The following DCUN1D2 variants were observed in gnomAD, a reference collection of about 807,000 sequenced individuals.
DCUN1D2 encodes the protein defective in cullin neddylation 1 domain containing 2, also known as DCN1-like protein 2.
Under a neutral mutation model 30.9 loss-of-function variants are expected in DCUN1D2, and 29 were observed. The observed-to-expected ratio is 0.94, with a 90% CI of 0.70 to 1.28. DCUN1D2 has a LOEUF of 1.28. DCUN1D2 is among the 50% of genes most tolerant of loss of function. The pLI, the probability that DCUN1D2 is intolerant of heterozygous loss-of-function variation, is 0.00. For missense variants in DCUN1D2, 325 were observed against 316.9 expected, an observed-to-expected ratio of 1.03 and a Z score of -0.19; for synonymous variants, 121 against 115.3, an observed-to-expected ratio of 1.05 and a Z score of -0.32.
At chr13:113,467,334 C>T (rs1263203287) in intron 4 of DCUN1D2, among the ~76,000 whole-genome samples, 1 of 152,102 alleles carries the variant, frequency 6.6e-6, no homozygotes, top group Non-Finnish European at 1.5e-5. Flanking sequence ...ATAATACTTG[C>T]ATGTAATTGC....
At position 113,459,227 on chromosome 13, in the gene DCUN1D2, G is replaced by T. The variant is rs566538330; in HGVS notation, c.700+85C>A. ...TTATGACCACGCCCATCTCAGTGAC[G>T]GGGTCACCACTCTAGAGGCAGGAGA... On this transcript the variant is annotated intron_variant, in intron 6 of 6. Coordinates refer to ENST00000478244, the MANE Select transcript of DCUN1D2 (RefSeq NM_001014283.2). 8.0e-6 allele frequency: 6 copies of T among 751,040 alleles called. No individual in the cohort carries two copies. The East Asian group carries it at 1.5e-4, about 19-fold the overall frequency. 46.5% of individuals were successfully genotyped at this position (751,040 alleles called of 1,614,324 possible). A position where few individuals can be genotyped will look rare whatever the true frequency, so the allele number is the denominator to read the frequency against.
chr13:113,478,473 CT>C (rs1566503114), intron 3 of DCUN1D2, among the ~76,000 whole-genome samples: 1 of 151,992 alleles, frequency 6.6e-6, no homozygotes, highest in Admixed American at 6.6e-5. Flanking sequence ...ATGACAACTT[CT>C]TTTCTATTTA....
chr13:113,468,077 A>G (rs763948611), intron 4 of DCUN1D2, among the ~76,000 whole-genome samples: 200 of 150,868 alleles, frequency 1.3e-3, no homozygotes, highest in Non-Finnish European at 2.1e-3. Context: ...AATTAAAAGC[A>G]GGGTCTAAAA....
In DCUN1D2 at chr13:113,474,270, G is replaced by A. The variant is rs777999822; in HGVS notation, c.390-16C>T. On this transcript the variant is annotated splice_polypyrimidine_tract_variant and intron_variant, in intron 3 of 6. Transcript: ENST00000478244. ...GCTGTCACACCTGCGATGACAGAGA[G>A]TGGTTTGTCTTGCAGCAGATGCGCC... is the stretch of plus-strand genomic sequence containing the variant. 1 of 1,612,890 alleles carries A rather than the reference G, an allele frequency of 6.2e-7. No individual in the cohort carries two copies. The highest frequency in any genetic ancestry group is 1.1e-5 in the South Asian group (1 of 91,038).
intron 4 of DCUN1D2, among the ~76,000 whole-genome samples, chr13:113,466,361 T>A (rs1283561590): frequency 2.0e-5 from 3 of 152,212 alleles, no homozygotes; most frequent in African/African-American, 7.2e-5. Flanking sequence ...GAAAACCAAA[T>A]GTTTTCATTT....
At chr13:113,460,108 G>C (rs1055060987) in intron 5 of DCUN1D2, among the ~76,000 whole-genome samples, 1 of 152,206 alleles carries the variant, frequency 6.6e-6, no homozygotes, top group Non-Finnish European at 1.5e-5. Context: ...GATATTTCGA[G>C]AGAAGTAATA....
intron 3 of DCUN1D2, among the ~76,000 whole-genome samples, chr13:113,478,571 C>T (rs1440595033): frequency 6.6e-6 from 1 of 152,068 alleles, no homozygotes. Flanking sequence ...GAAGGCTTTG[C>T]TCACTGATTT....
intron 1 of DCUN1D2, among the ~76,000 whole-genome samples, chr13:113,484,427 GTCT>G (rs1950750478): frequency 6.6e-6 from 1 of 152,196 alleles, no homozygotes; most frequent in South Asian, 2.1e-4. Flanking sequence ...CACAGCTGCA[GTCT>G]TCTTTGGTTT....
At chr13:113,462,701 C>A in intron 4 of DCUN1D2, 3 of 976,818 alleles carry the variant, frequency 3.1e-6, no homozygotes, top group Non-Finnish European at 2.4e-6. Context: ...TCAGAAAGTG[C>A]CAAGTAACTG....
Position 113,490,637 on chromosome 13 carries a change from G to A in DCUN1D2, c.3+30C>T, listed in dbSNP as rs2044951117. 59 of 1,231,936 alleles carry A rather than the reference G, an allele frequency of 4.8e-5. No individual in the cohort carries two copies. Among genetic ancestry groups the A allele is most frequent in the Non-Finnish European group, 5.8e-5 (57 of 988,248 alleles). The allele number at this position is 1,231,936 out of a possible 1,614,324, so 76.3% of individuals were successfully genotyped here. ...GGGGCCCGACCCCGACCCCGACCCC[G>A]ACGGGCAGAGGCGACGCCGGGCCAC... On this transcript the variant is annotated intron_variant, in intron 1 of 6. Transcript: ENST00000478244. This position sits in a 1 kb window ranked among gnomAD's most constrained non-coding sequence, Gnocchi z 5.2.
chr13:113,484,345 T>C, intron 1 of DCUN1D2: 5 of 498,396 alleles, frequency 1.0e-5, no homozygotes, highest in South Asian at 6.8e-5. Context: ...TCTCTAAAAC[T>C]CTCAGTAACT....
chr13:113,459,315 C>T lies in DCUN1D2; in HGVS notation c.697G>A (p.Glu233Lys), dbSNP rs1457059796. Residue 233 changes from glutamate (E) to lysine (K), a missense_variant, in exon 6 of 7, where the codon GAA (glutamate) becomes AAA (lysine). By Grantham distance (56) the Glu-to-Lys change is moderately conservative (BLOSUM62 1). Transcript: ENST00000478244. ...TCTGAAGCACAACTTCCGGTACCTT[C>T]TTCATCGTAGTTAGACATATCATCC... ...IADDMSNYDE[E>K]GAWPVLIDDF... is the part of the protein sequence containing the mutation. 2 of 1,563,156 alleles carry T rather than the reference C, an allele frequency of 1.3e-6. No homozygotes were observed. Among genetic ancestry groups the T allele is most frequent in the South Asian group, 2.2e-5 (2 of 89,984 alleles).
At chr13:113,461,489 G>T (rs148916469) in intron 4 of DCUN1D2, among the ~76,000 whole-genome samples, 72 of 152,316 alleles carry the variant, frequency 4.7e-4, no homozygotes, top group African/African-American at 1.7e-3. Flanking sequence ...TTTAAAAATA[G>T]GCCACTGGCC....
intron 4 of DCUN1D2, among the ~76,000 whole-genome samples, chr13:113,470,192 C>T (rs2044477743): frequency 6.6e-6 from 1 of 152,222 alleles, no homozygotes; most frequent in Non-Finnish European, 1.5e-5. Context: ...CACCGTGTTA[C>T]GGTTGCCTAC....
At chr13:113,487,512 T>C (rs186485238) in intron 1 of DCUN1D2, among the ~76,000 whole-genome samples, 70 of 152,288 alleles carry the variant, frequency 4.6e-4, no homozygotes, top group African/African-American at 1.4e-3. Flanking sequence ...AGCTGCACAG[T>C]GTACGACTCC....
intron 5 of DCUN1D2, among the ~76,000 whole-genome samples, chr13:113,460,364 G>A (rs991614757): frequency 6.6e-6 from 1 of 152,232 alleles, no homozygotes; most frequent in Non-Finnish European, 1.5e-5. Context: ...CGTGGGTTGG[G>A]CGGTGGAAGA....
chr13:113,464,110 A>G lies in DCUN1D2; in HGVS notation c.521-2974T>C, dbSNP rs59194206. On this transcript the variant is annotated intron_variant, in intron 4 of 6. Transcript: ENST00000478244. ...GTATAATCTATTTGAAGTGTTTACA[A>G]AATCTAATCTTTTCCCGAGGAGGCT... 4.2e-3 allele frequency among the ~76,000 whole-genome samples: 644 copies of G among 152,362 alleles called. 5 individuals are homozygous for G. Among genetic ancestry groups the G allele is most frequent in the African/African-American group, 0.015 (617 of 41,574 alleles).
chr13:113,458,301 C>T (rs1198074237), intron 6 of DCUN1D2, among the ~76,000 whole-genome samples, 193 bp from the exon 7 acceptor site: 1 of 152,222 alleles, frequency 6.6e-6, no homozygotes, highest in Non-Finnish European at 1.5e-5. Context: ...GTCGGGAGCC[C>T]TGGTGTGTGT....
chr13:113,490,826 G>A (rs1054749316), upstream of DCUN1D2: 7 of 558,986 alleles, frequency 1.3e-5, no homozygotes, highest in Non-Finnish European at 1.5e-5. The surrounding 1 kb of genome is among the most constrained non-coding windows in gnomAD (Gnocchi z 5.2). Flanking sequence ...AGCGCCGCCC[G>A]GGGGCCCACG....
Sources: gnomAD v4.1 joint callset for allele counts (sites outside exome capture counted in the v4.1 genomes callset) on GRCh38, gnomAD v4.1.1 for gene constraint, Gnocchi (gnomAD v3.1) non-coding constraint, MANE v1.5 for transcripts, NCBI Gene and HGNC (gene_info 2026-07-23, HGNC 2026-07-21) for gene names.